Variants in AVEN observed in about 807,000 individuals in gnomAD.
AVEN encodes cell death regulator Aven.
Under a neutral mutation model 38.1 loss-of-function variants are expected in AVEN, and 41 were observed. The observed-to-expected ratio is 1.08, with a 90% confidence interval of 0.84 to 1.40. The LOEUF (loss-of-function observed/expected upper bound fraction) is 1.40, where lower values mean the gene tolerates loss of function less well. Ranked by LOEUF, AVEN falls within the 40% of genes most tolerant of loss-of-function variation. The probability of loss-of-function intolerance (pLI) is 0.00; values close to 1 mark genes in which losing one functional copy is unlikely to be tolerated. For missense variants in AVEN, 605 were observed against 438.8 expected (o/e 1.38, Z -3.38); for synonymous variants, 206 against 171.8 (o/e 1.20, Z -1.56).
At chr15:34,025,786 G>A (rs2702281) in intron 1 of AVEN, among the ~76,000 whole-genome samples, 72,056 of 151,844 alleles carry the variant, frequency 0.47, 20,435 homozygotes, top group Non-Finnish European at 0.64. Context: ...GTGTGTGTGC[G>A]CATGTGTAAA....
At chr15:34,007,157 C>A in intron 1 of AVEN, 1 of 468,230 alleles carries the variant, frequency 2.1e-6, no homozygotes, top group Non-Finnish European at 2.8e-6. Context: ...TTATCTTGTC[C>A]AATGACACAC....
downstream of AVEN, chr15:33,856,947 C>T (rs919101048): frequency 1.3e-5 from 2 of 152,156 alleles, no homozygotes; most frequent in African/African-American, 4.8e-5. Context: ...GTGAGCCACC[C>T]CATGCCCGGC....
chr15:33,895,061 A>T lies in AVEN; in HGVS notation c.446-19066T>A, dbSNP rs1892178957. ...TTATTGAAAGAACGTTTCCATCTTC[A>T]ACTTTCCTCTAGTGCTTAGTGTCAT... On this transcript the variant is annotated intron_variant, in intron 2 of 5. Coordinates refer to ENST00000306730, the MANE Select transcript of AVEN (RefSeq NM_020371.3). 2.6e-5 allele frequency among the ~76,000 whole-genome samples: 4 copies of T among 152,044 alleles called. No homozygotes were observed. In the South Asian group the frequency reaches 8.3e-4, roughly 32 times the overall value.
At chr15:33,985,544 A>T (rs991602350) in intron 2 of AVEN, among the ~76,000 whole-genome samples, 2 of 151,946 alleles carry the variant, frequency 1.3e-5, no homozygotes, top group African/African-American at 4.8e-5. Flanking sequence ...ATTCAGACAA[A>T]GAGCAGTCAG....
chr15:33,859,891 C>G (rs1222619067), intron 11 of AVEN, among the ~76,000 whole-genome samples: 1 of 152,156 alleles, frequency 6.6e-6, no homozygotes, highest in Non-Finnish European at 1.5e-5. Context: ...GAGGCTTTGG[C>G]TATATATAAA....
intron 2 of AVEN, among the ~76,000 whole-genome samples, chr15:33,951,126 G>A (rs1894726167): frequency 6.6e-6 from 1 of 152,104 alleles, no homozygotes; most frequent in Non-Finnish European, 1.5e-5. Context: ...ACTTGTGAGA[G>A]GTGGCAGGAG....
intron 2 of AVEN, among the ~76,000 whole-genome samples, chr15:33,960,576 A>G (rs1485020170): frequency 6.6e-6 from 1 of 152,182 alleles, no homozygotes; most frequent in Admixed American, 6.5e-5. Context: ...TAAAAAAAAG[A>G]ACTTCTTAAA....
At chr15:34,062,987 C>A in exon 5 of AVEN, 1 of 1,614,230 alleles carries the variant, frequency 6.2e-7, no homozygotes, top group East Asian at 2.2e-5. Flanking sequence ...ACACCACCTA[C>A]ATCCTCATGG....
intron 1 of AVEN, among the ~76,000 whole-genome samples, chr15:34,033,411 CAGG>C (rs1898955581): frequency 6.6e-6 from 1 of 151,212 alleles, no homozygotes; most frequent in African/African-American, 2.4e-5. Context: ...GAGGCTGAGG[CAGG>C]AGAATTGCTT....
chr15:34,017,676 C>T (rs1264054945), intron 1 of AVEN, among the ~76,000 whole-genome samples: 1 of 152,006 alleles, frequency 6.6e-6, no homozygotes, highest in Admixed American at 6.6e-5. Context: ...GACAGGGTTT[C>T]ACCATGTTGG....
intron 2 of AVEN, among the ~76,000 whole-genome samples, chr15:33,971,583 T>C (rs535896525): frequency 1.3e-5 from 2 of 152,232 alleles, no homozygotes; most frequent in South Asian, 2.1e-4. Context: ...TATATAAAAT[T>C]AGAAACATAC....
chr15:34,001,825 T>C (rs964632948), intron 2 of AVEN, among the ~76,000 whole-genome samples: 21 of 152,308 alleles, frequency 1.4e-4, no homozygotes, highest in African/African-American at 4.8e-4. Context: ...CTTAGTCTGG[T>C]GCCAGCATTC....
intron 2 of AVEN, among the ~76,000 whole-genome samples, chr15:33,972,857 C>T (rs140327328): frequency 1.3e-5 from 2 of 152,284 alleles, no homozygotes; most frequent in East Asian, 3.9e-4. Flanking sequence ...CCCTCCTAGA[C>T]TCAGAGCCTA....
At chr15:34,030,645 T>C (rs1029573629) in intron 1 of AVEN, among the ~76,000 whole-genome samples, 1 of 152,020 alleles carries the variant, frequency 6.6e-6, no homozygotes, top group African/African-American at 2.4e-5. Context: ...GGGGGTTTTG[T>C]TGAGAAAGAG....
chr15:34,048,535 C>G (rs1430601818), intron 5 of AVEN, among the ~76,000 whole-genome samples: 1 of 147,278 alleles, frequency 6.8e-6, no homozygotes, highest in African/African-American at 2.5e-5. Context: ...GTTATACAGA[C>G]AGAGCTCTGA....
chr15:33,950,815 G>A (rs1894711234), intron 2 of AVEN, among the ~76,000 whole-genome samples: 1 of 152,188 alleles, frequency 6.6e-6, no homozygotes, highest in Non-Finnish European at 1.5e-5. Flanking sequence ...AAGCCAGCCT[G>A]GGCAACATAA....
At chr15:33,996,997 G>A (rs369057166) in intron 2 of AVEN, among the ~76,000 whole-genome samples, 20 of 152,294 alleles carry the variant, frequency 1.3e-4, no homozygotes, top group East Asian at 7.7e-4. Flanking sequence ...AATAAACAGC[G>A]TAGAGAAGAC....
chr15:33,992,911 A>G (rs1473719342), intron 2 of AVEN, among the ~76,000 whole-genome samples: 1 of 152,262 alleles, frequency 6.6e-6, no homozygotes, highest in African/African-American at 2.4e-5. Context: ...AATAGTTTTA[A>G]GCAAAAATAT....
intron 2 of AVEN, among the ~76,000 whole-genome samples, chr15:33,890,073 G>C (rs1042556022): frequency 1.3e-5 from 2 of 152,212 alleles, no homozygotes; most frequent in African/African-American, 2.4e-5. Context: ...GGAGATGTTT[G>C]TGCATCACTG....
Sources: allele counts gnomAD v4.1 joint callset (sites outside exome capture counted in the v4.1 genomes callset), GRCh38; gene constraint gnomAD v4.1.1; transcripts MANE v1.5; gene names NCBI Gene and HGNC (gene_info 2026-07-23, HGNC 2026-07-21).